The following CRYL1 variants were observed in gnomAD, a reference collection of about 807,000 sequenced individuals.
The protein encoded by CRYL1 is lambda-crystallin homolog.
CRYL1 carries 29 observed loss-of-function variants against 36.6 expected under a neutral mutation model. The ratio of observed to expected loss-of-function variants is 0.79; its 90% CI spans 0.59 to 1.08. CRYL1 has a LOEUF of 1.08. CRYL1 is among the 50% of genes least tolerant of loss of function. CRYL1 has a pLI of 0.00. For synonymous variants in CRYL1, 152 were observed against 151.5 expected (o/e 1.00, Z -0.02); for missense variants, 411 against 407.9 (o/e 1.01, Z -0.06).
intron 3 of CRYL1, among the ~76,000 whole-genome samples, chr13:20,440,934 C>T (rs968294698): frequency 6.6e-6 from 1 of 152,188 alleles, no homozygotes; most frequent in Admixed American, 6.5e-5. Context: ...CGCTGGTCCA[C>T]AGGCGAGGTG....
intron 3 of CRYL1, among the ~76,000 whole-genome samples, chr13:20,484,294 G>A (rs9552198): frequency 0.33 from 49,941 of 151,986 alleles, 8,951 homozygotes; most frequent in African/African-American, 0.48. Context: ...ACCACAGGGC[G>A]GGTGAGTGGT....
intron 3 of CRYL1, among the ~76,000 whole-genome samples, chr13:20,440,753 G>A (rs887943337): frequency 6.6e-6 from 1 of 152,156 alleles, no homozygotes; most frequent in Admixed American, 6.5e-5. Context: ...ATTTCTAATT[G>A]GAGGTCCTTT....
chr13:20,523,114 G>A (rs1360763114), intron 1 of CRYL1, among the ~76,000 whole-genome samples: 2 of 151,624 alleles, frequency 1.3e-5, no homozygotes, highest in African/African-American at 2.4e-5. Flanking sequence ...ACGGGATCTC[G>A]CCATGTTGGC....
At chr13:20,412,429 T>C (rs2031548615) in intron 6 of CRYL1, among the ~76,000 whole-genome samples, 1 of 152,186 alleles carries the variant, frequency 6.6e-6, no homozygotes, top group Admixed American at 6.5e-5. Context: ...CTATAGTAAT[T>C]GTAGAAATTT....
intron 2 of CRYL1, among the ~76,000 whole-genome samples, chr13:20,496,896 C>CA (rs1206264569): frequency 1.4e-5 from 2 of 147,142 alleles, no homozygotes; most frequent in Non-Finnish European, 3.0e-5. Flanking sequence ...TATTGGGAGA[C>CA]AAAATGGACA....
At chr13:20,457,511 G>C (rs868465524) in intron 3 of CRYL1, among the ~76,000 whole-genome samples, 26 of 152,294 alleles carry the variant, frequency 1.7e-4, no homozygotes, top group African/African-American at 6.0e-4. Context: ...AATGAGGTCA[G>C]ATGAAATACA....
At chr13:20,462,782 A>G (rs9509234) in intron 3 of CRYL1, among the ~76,000 whole-genome samples, 92,210 of 151,292 alleles carry the variant, frequency 0.61, 32,177 homozygotes, top group South Asian at 0.82. Context: ...ACCTGCAGGA[A>G]CGGTACCATC....
chr13:20,423,367 A>G (rs2031861816), intron 5 of CRYL1, among the ~76,000 whole-genome samples: 1 of 152,204 alleles, frequency 6.6e-6, no homozygotes, highest in South Asian at 2.1e-4. Flanking sequence ...AAAGCCTTCA[A>G]CTTTTCACCA....
rs984447341 is a variant in CRYL1 at position 20,453,980 on chromosome 13, T to C, written c.277-14226A>G. Among the ~76,000 whole-genome samples the C allele has an allele frequency of 3.9e-5, 6 of 152,344 alleles. No homozygotes were observed. In the East Asian group the frequency reaches 7.7e-4, roughly 20 times the overall value. On this transcript the variant is annotated intron_variant, in intron 3 of 7. Coordinates refer to ENST00000298248, the MANE Select transcript of CRYL1 (RefSeq NM_015974.3). ...GAAATAATAGAAAACCTCATTAGTC[T>C]ATTTATAGGAAAGTAATTAAATTTG... is the stretch of plus-strand genomic sequence containing the variant.
At chr13:20,513,582 A>G (rs923297652) in intron 1 of CRYL1, 1 of 152,248 alleles carries the variant, frequency 6.6e-6, no homozygotes. Context: ...AATTAAGTCC[A>G]CAAGGGTGAT....
intron 5 of CRYL1, chr13:20,430,405 G>A (rs1282487176): frequency 1.9e-5 from 19 of 985,186 alleles, no homozygotes; most frequent in Non-Finnish European, 2.2e-5. Flanking sequence ...CAGGAGGTAT[G>A]TCACCACAGA....
At chr13:20,511,755 C>T (rs926586236) in intron 2 of CRYL1, among the ~76,000 whole-genome samples, 1 of 152,214 alleles carries the variant, frequency 6.6e-6, no homozygotes, top group African/African-American at 2.4e-5. Flanking sequence ...CACGCCAGTG[C>T]CTTTGCTTCT....
In CRYL1 at chr13:20,493,182, G is replaced by C. The variant is rs9506500; in HGVS notation, c.150-3686C>G. ...CTGTCAAGCACCCCTTGGAACTGGT[G>C]CTCCGAGGCAGGCCTCTGAAATTCT... On this transcript the variant is annotated intron_variant, in intron 2 of 7. Coordinates refer to ENST00000298248, the MANE Select transcript of CRYL1 (RefSeq NM_015974.3). 0.71 allele frequency among the ~76,000 whole-genome samples: 108,409 copies of C among 152,146 alleles called. 39,135 individuals are homozygous for C. Among genetic ancestry groups the C allele is most frequent in the Admixed American group, 0.79 (12,060 of 15,292 alleles).
chr13:20,411,335 A>G (rs1473822878), intron 6 of CRYL1, among the ~76,000 whole-genome samples: 1 of 152,112 alleles, frequency 6.6e-6, no homozygotes, highest in African/African-American at 2.4e-5. Context: ...AAAAATTGTT[A>G]TGGGCCTCCT....
At chr13:20,454,250 C>T (rs560181160) in intron 3 of CRYL1, among the ~76,000 whole-genome samples, 6 of 152,102 alleles carry the variant, frequency 3.9e-5, no homozygotes, top group South Asian at 2.1e-4. Context: ...AAGGATAGTG[C>T]GTTATGACCA....
intron 3 of CRYL1, among the ~76,000 whole-genome samples, chr13:20,456,133 TA>T (rs778638422): frequency 1.5e-4 from 23 of 152,300 alleles, no homozygotes; most frequent in South Asian, 2.1e-4. Flanking sequence ...ATAAATGTTC[TA>T]AAATAGAAAA....
At chr13:20,483,185 T>C (rs2033312833) in intron 3 of CRYL1, among the ~76,000 whole-genome samples, 1 of 152,236 alleles carries the variant, frequency 6.6e-6, no homozygotes, top group Non-Finnish European at 1.5e-5. Flanking sequence ...AGAAGATTTA[T>C]AGTGTTCCCA....
intron 3 of CRYL1, among the ~76,000 whole-genome samples, chr13:20,451,179 T>C (rs745441957): frequency 4.6e-5 from 7 of 152,062 alleles, no homozygotes; most frequent in Non-Finnish European, 1.0e-4. Flanking sequence ...CTGCACGTTG[T>C]GCACATGTAT....
intron 2 of CRYL1, among the ~76,000 whole-genome samples, chr13:20,511,672 G>A (rs1050758546): frequency 2.0e-4 from 31 of 152,244 alleles, no homozygotes; most frequent in African/African-American, 5.5e-4. Flanking sequence ...ACCAGCTAAC[G>A]CGTGTCTGAG....
Sources: allele counts gnomAD v4.1 joint callset (sites outside exome capture counted in the v4.1 genomes callset), GRCh38; gene constraint gnomAD v4.1.1; transcripts MANE v1.5; gene names NCBI Gene and HGNC (gene_info 2026-07-23, HGNC 2026-07-21).